The following RNF220 variants were observed in gnomAD, a reference collection of about 807,000 sequenced individuals.
RNF220 encodes the protein E3 ubiquitin-protein ligase RNF220.
A neutral mutation model predicts 67.1 loss-of-function variants in RNF220; 7 were observed. The ratio of observed to expected loss-of-function variants is 0.10; its 90% CI spans 0.06 to 0.20. The LOEUF is 0.20. Ranked by LOEUF, RNF220 falls within the 10% of genes least tolerant of loss-of-function variation. RNF220 has a pLI of 1.00. For missense variants in RNF220, 565 were observed against 740.3 expected, an observed-to-expected ratio of 0.76 and a Z score of 2.75; for synonymous variants, 270 against 283.2, an observed-to-expected ratio of 0.95 and a Z score of 0.47.
chr1:44,542,536 CTG>C (rs549291070), intron 2 of RNF220, among the ~76,000 whole-genome samples: 158 of 152,326 alleles, frequency 1.0e-3, no homozygotes, highest in Middle Eastern at 3.4e-3. Context: ...TAATCCTAAT[CTG>C]TGTTTTCCCT....
chr1:44,487,554 C>G (rs758880034), intron 2 of RNF220, among the ~76,000 whole-genome samples: 1 of 150,544 alleles, frequency 6.6e-6, no homozygotes, highest in Admixed American at 6.6e-5. Context: ...GGACGTGGGC[C>G]GAGCATGGTG....
chr1:44,637,206 G>C (rs1296303514), intron 8 of RNF220, among the ~76,000 whole-genome samples: 1 of 152,236 alleles, frequency 6.6e-6, no homozygotes, highest in African/African-American at 2.4e-5. Context: ...GGGCCGTCCA[G>C]TGCAGACTGG....
chr1:44,512,315 G>C lies in RNF220; in HGVS notation c.625+99593G>C, dbSNP rs111864900. 9.0e-3 allele frequency among the ~76,000 whole-genome samples: 1,373 copies of C among 152,296 alleles called. 7 individuals are homozygous for C. The highest frequency in any genetic ancestry group is 0.013 in the Non-Finnish European group (886 of 68,020). ...CAACCACATGAACACCTAATTATGG[G>C]GGGAGGCGGTGGGTTGAAACAAATG... On this transcript the variant is annotated intron_variant, in intron 2 of 14. Transcript: ENST00000361799.
chr1:44,453,275 T>C (rs1466277550), intron 2 of RNF220, among the ~76,000 whole-genome samples: 2 of 152,158 alleles, frequency 1.3e-5, no homozygotes, highest in African/African-American at 2.4e-5. Context: ...TGTATTTCTT[T>C]GTGATGGTCT....
chr1:44,534,739 G>C (rs1661074269), intron 2 of RNF220, among the ~76,000 whole-genome samples: 1 of 152,138 alleles, frequency 6.6e-6, no homozygotes, highest in Non-Finnish European at 1.5e-5. Context: ...ATTGTATATG[G>C]AAGAGAAAGG....
At position 44,649,299 on chromosome 1, in the gene RNF220, T is replaced by G; in HGVS notation, c.1446-362T>G. 7.1e-6 allele frequency: 2 copies of G among 280,038 alleles called. No individual in the cohort carries two copies. The highest frequency in any genetic ancestry group is 4.1e-5 in the South Asian group (1 of 24,146). 17.3% of individuals were successfully genotyped at this position (280,038 alleles called of 1,614,324 possible). A position where few individuals can be genotyped will look rare whatever the true frequency, so the allele number is the denominator to read the frequency against. On this transcript the variant is annotated intron_variant, in intron 12 of 14. Coordinates refer to ENST00000361799, the MANE Select transcript of RNF220 (RefSeq NM_018150.4). This position sits in a 1 kb window ranked among gnomAD's most constrained non-coding sequence, Gnocchi z 5.9. ...AGGCAGAAAGGCTGTCTGGAAAAAG[T>G]TAGTGGTGGAATTGGTGGAAGACAT...
chr1:44,545,123 T>C (rs1158243667), intron 2 of RNF220, among the ~76,000 whole-genome samples: 1 of 152,182 alleles, frequency 6.6e-6, no homozygotes, highest in Non-Finnish European at 1.5e-5. Flanking sequence ...ACCCCTTCCA[T>C]GTGGCCATGG....
chr1:44,481,506 GAAGGGAAC>G (rs1655806413), intron 2 of RNF220, among the ~76,000 whole-genome samples: 1 of 152,156 alleles, frequency 6.6e-6, no homozygotes, highest in African/African-American at 2.4e-5. Flanking sequence ...TAGACCCAGA[GAAGGGAAC>G]AACACGCACA....
chr1:44,639,970 A>G (rs939064635), intron 8 of RNF220, among the ~76,000 whole-genome samples: 5 of 152,154 alleles, frequency 3.3e-5, no homozygotes, highest in African/African-American at 1.2e-4. Context: ...TTGTATTTTT[A>G]GTAGAGACGG....
chr1:44,492,921 A>T (rs937802142), intron 2 of RNF220, among the ~76,000 whole-genome samples: 3 of 144,998 alleles, frequency 2.1e-5, no homozygotes, highest in Admixed American at 6.9e-5. Context: ...CAAAATCTGA[A>T]TTTTTTTTTT....
intron 2 of RNF220, among the ~76,000 whole-genome samples, chr1:44,598,019 A>T (rs1666652175): frequency 6.7e-6 from 1 of 149,270 alleles, no homozygotes; most frequent in East Asian, 2.0e-4. Flanking sequence ...ACACTTTGGG[A>T]CATATCCTGA....
At chr1:44,541,834 A>G (rs1171274583) in intron 2 of RNF220, among the ~76,000 whole-genome samples, 1 of 152,168 alleles carries the variant, frequency 6.6e-6, no homozygotes, top group Non-Finnish European at 1.5e-5. Context: ...AAACATTGCA[A>G]CTGTCAGATT....
At chr1:44,457,731 C>G (rs1289495327) in intron 2 of RNF220, among the ~76,000 whole-genome samples, 1 of 152,144 alleles carries the variant, frequency 6.6e-6, no homozygotes, top group East Asian at 1.9e-4. Flanking sequence ...CCTTCTCATT[C>G]AGCATTGCTA....
intron 5 of RNF220, among the ~76,000 whole-genome samples, chr1:44,631,068 T>C (rs1349776939): frequency 6.6e-6 from 1 of 152,154 alleles, no homozygotes. Context: ...ACAACCAAGG[T>C]AGGTACAACC....
intron 2 of RNF220, among the ~76,000 whole-genome samples, chr1:44,575,165 C>T (rs573232019): frequency 9.2e-5 from 14 of 152,188 alleles, no homozygotes; most frequent in South Asian, 2.1e-4. Context: ...TAACCAACCT[C>T]TCTTCATCAC....
intron 2 of RNF220, among the ~76,000 whole-genome samples, chr1:44,550,046 G>A (rs1366570978): frequency 6.6e-6 from 1 of 152,246 alleles, no homozygotes; most frequent in Non-Finnish European, 1.5e-5. Context: ...GGAGTTGGGA[G>A]TTTGTCCCCT....
In RNF220 at chr1:44,591,976, C is replaced by T. The variant is rs564364836; in HGVS notation, c.626-22189C>T. On this transcript the variant is annotated intron_variant, in intron 2 of 14. Transcript: ENST00000361799. ...ACAGTGGTATCTTAGGTGCTCAAGC[C>T]GTCCCCCATCCTGTGAGCTTCTGAG... Among the ~76,000 whole-genome samples, 142 of 152,256 alleles carry T rather than the reference C, an allele frequency of 9.3e-4. 2 individuals carry two copies. The highest frequency in any genetic ancestry group is 3.1e-3 in the African/African-American group (130 of 41,540).
intron 2 of RNF220, among the ~76,000 whole-genome samples, chr1:44,577,884 T>C (rs1253907250): frequency 6.6e-6 from 1 of 151,460 alleles, no homozygotes; most frequent in African/African-American, 2.4e-5. Context: ...TCCCCCAGGC[T>C]GGAGTGCAAT....
intron 2 of RNF220, among the ~76,000 whole-genome samples, chr1:44,456,972 C>T (rs950167044): frequency 6.6e-6 from 1 of 152,130 alleles, no homozygotes; most frequent in African/African-American, 2.4e-5. Context: ...GAACACACGT[C>T]CCCCCAACCC....
Sources: allele counts gnomAD v4.1 joint callset (sites outside exome capture counted in the v4.1 genomes callset), GRCh38; gene constraint gnomAD v4.1.1; non-coding constraint Gnocchi (gnomAD v3.1); transcripts MANE v1.5; gene names NCBI Gene and HGNC (gene_info 2026-07-23, HGNC 2026-07-21).